The following MYT1L variants were observed in gnomAD, a reference collection of about 807,000 sequenced individuals.
The protein encoded by MYT1L is myelin transcription factor 1 like, also known as myelin transcription factor 1-like protein.
A neutral mutation model predicts 126.7 loss-of-function variants in MYT1L; 12 were observed. The observed-to-expected ratio is 0.09, with a 90% confidence interval of 0.06 to 0.15. The LOEUF (loss-of-function observed/expected upper bound fraction) is 0.15, where lower values mean the gene tolerates loss of function less well. MYT1L is among the 10% of genes least tolerant of loss of function. The pLI, the probability that MYT1L is intolerant of heterozygous loss-of-function variation, is 1.00. For synonymous variants in MYT1L, 541 were observed against 604.2 expected (o/e 0.90, Z 1.53); for missense variants, 979 against 1,585.2 (o/e 0.62, Z 6.49).
chr2:2,221,325 C>G (rs2093863350), intron 2 of MYT1L, among the ~76,000 whole-genome samples: 1 of 152,106 alleles, frequency 6.6e-6, no homozygotes, highest in African/African-American at 2.4e-5. Flanking sequence ...AGTCTGTGCA[C>G]CTCTTGGATT....
chr2:1,993,808 G>A (rs953756566), intron 5 of MYT1L, among the ~76,000 whole-genome samples: 1 of 151,966 alleles, frequency 6.6e-6, no homozygotes, highest in Non-Finnish European at 1.5e-5. Flanking sequence ...ATTTTATTCC[G>A]TCCTTGGCTT....
intron 2 of MYT1L, among the ~76,000 whole-genome samples, chr2:2,252,689 C>A (rs2094686430): frequency 6.6e-6 from 1 of 152,122 alleles, no homozygotes; most frequent in African/African-American, 2.4e-5. Context: ...GCTCCCCTGT[C>A]CCCACCACCA....
At position 2,053,984 on chromosome 2, in the gene MYT1L, G is replaced by A. The variant is rs1395526701; in HGVS notation, c.-164C>T. On this transcript the variant is annotated 5_prime_UTR_variant, in exon 4 of 25. Transcript: ENST00000647738. ...ACCACATAGAGTTCCTCACCTTTAG[G>A]TGGCTCCTCGGATATCCATACGTCT... is the stretch of plus-strand genomic sequence containing the variant. 3 of 152,580 alleles carry A rather than the reference G, an allele frequency of 2.0e-5. No homozygotes were observed. The highest frequency in any genetic ancestry group is 7.2e-5 in the African/African-American group (3 of 41,424). The allele number at this position is 152,580 out of a possible 1,614,324, so 9.5% of individuals were successfully genotyped here. A position where few individuals can be genotyped will look rare whatever the true frequency, so the allele number is the denominator to read the frequency against.
intron 11 of MYT1L, among the ~76,000 whole-genome samples, chr2:1,914,380 C>T (rs1488052010): frequency 6.6e-6 from 1 of 152,148 alleles, no homozygotes; most frequent in East Asian, 1.9e-4. Context: ...TGATTTTCCT[C>T]CACCTGCTCC....
chr2:2,201,859 G>A (rs767123241), intron 2 of MYT1L, among the ~76,000 whole-genome samples: 1 of 151,992 alleles, frequency 6.6e-6, no homozygotes, highest in Non-Finnish European at 1.5e-5. Context: ...TATATTTAAC[G>A]ACACTTAATC....
At chr2:2,323,390 C>T (rs2096203045) in intron 1 of MYT1L, among the ~76,000 whole-genome samples, 1 of 152,040 alleles carries the variant, frequency 6.6e-6, no homozygotes, top group African/African-American at 2.4e-5. Context: ...TATAAAAAGA[C>T]AGTTAAAGAA....
At chr2:2,180,144 C>T (rs1316985872) in intron 2 of MYT1L, among the ~76,000 whole-genome samples, 9 of 151,868 alleles carry the variant, frequency 5.9e-5, no homozygotes, top group Non-Finnish European at 1.0e-4. Flanking sequence ...TTACCAGGGG[C>T]CAGAGGAGAG....
intron 11 of MYT1L, among the ~76,000 whole-genome samples, chr2:1,914,292 T>C (rs1195381785): frequency 6.6e-6 from 1 of 151,874 alleles, no homozygotes; most frequent in Non-Finnish European, 1.5e-5. Flanking sequence ...AAAAAAACCC[T>C]GTGACCCCTG....
At chr2:1,972,058 G>A (rs2059850885) in intron 8 of MYT1L, among the ~76,000 whole-genome samples, 1 of 152,186 alleles carries the variant, frequency 6.6e-6, no homozygotes, top group Non-Finnish European at 1.5e-5. Context: ...GGGTGTGGGG[G>A]TGAGGCGTAC....
chr2:1,821,242 A>G (rs2038482223), intron 21 of MYT1L, among the ~76,000 whole-genome samples: 1 of 151,998 alleles, frequency 6.6e-6, no homozygotes, highest in Non-Finnish European at 1.5e-5. Flanking sequence ...TCTTTCTTCC[A>G]TTTGCTCTAC....
chr2:2,214,486 A>G (rs1261889261), intron 2 of MYT1L, among the ~76,000 whole-genome samples: 1 of 152,216 alleles, frequency 6.6e-6, no homozygotes, highest in African/African-American at 2.4e-5. Context: ...AGGGAAAAAA[A>G]GGTGTGAAGG....
chr2:1,956,574 TTCTATCTATCTATCTA>T (rs72311419), intron 8 of MYT1L, among the ~76,000 whole-genome samples: 43 of 101,592 alleles, frequency 4.2e-4, no homozygotes, highest in South Asian at 2.5e-3. Context: ...ATATTTCCTA[TTCTATCTATCTATCTA>T]TCTATCTATC....
intron 3 of MYT1L, among the ~76,000 whole-genome samples, chr2:2,131,726 C>G (rs1041428199): frequency 2.0e-4 from 31 of 152,110 alleles, no homozygotes; most frequent in African/African-American, 7.5e-4. Flanking sequence ...TGAGACGTAA[C>G]CGTGAGGTTT....
chr2:1,942,148 T>C (rs976078722), intron 9 of MYT1L, among the ~76,000 whole-genome samples: 1 of 152,148 alleles, frequency 6.6e-6, no homozygotes, highest in Non-Finnish European at 1.5e-5. Flanking sequence ...ATAAAGATGA[T>C]AGCTAGGCTT....
intron 4 of MYT1L, among the ~76,000 whole-genome samples, chr2:1,997,837 T>C (rs1408422395): frequency 6.6e-6 from 1 of 152,232 alleles, no homozygotes; most frequent in Non-Finnish European, 1.5e-5. Flanking sequence ...CAGCCTAGTC[T>C]CCTTAAAATT....
intron 14 of MYT1L, among the ~76,000 whole-genome samples, chr2:1,901,622 A>C (rs544280212): frequency 2.0e-5 from 3 of 152,374 alleles, no homozygotes; most frequent in African/African-American, 7.2e-5. Context: ...AAAGATGTGC[A>C]GCAATTCCTG....
intron 3 of MYT1L, among the ~76,000 whole-genome samples, chr2:2,144,187 G>A (rs1232509196): frequency 6.6e-6 from 1 of 152,128 alleles, no homozygotes; most frequent in East Asian, 1.9e-4. Flanking sequence ...AGGTTAGGCC[G>A]TCAGGTGGGG....
intron 4 of MYT1L, among the ~76,000 whole-genome samples, chr2:2,005,247 C>CGTTCTTTCCTGCATGT (rs938956082): frequency 6.1e-5 from 9 of 147,946 alleles, no homozygotes; most frequent in South Asian, 2.2e-4. Flanking sequence ...CTCCTGCAGG[C>CGTTCTTTCCTGCATGT]GTTCTTTCCT....
intron 8 of MYT1L, among the ~76,000 whole-genome samples, chr2:1,952,882 CT>C (rs1225773856): frequency 9.0e-5 from 9 of 99,696 alleles, no homozygotes; most frequent in African/African-American, 2.9e-4. Context: ...TCCCTCCTTC[CT>C]TCCCTTCCCT....
Sources: gnomAD v4.1 joint callset for allele counts (sites outside exome capture counted in the v4.1 genomes callset) on GRCh38, gnomAD v4.1.1 for gene constraint, MANE v1.5 for transcripts, NCBI Gene and HGNC (gene_info 2026-07-23, HGNC 2026-07-21) for gene names.